NFIB: variants seen among roughly 807,000 people sequenced by gnomAD.
NFIB encodes nuclear factor 1 B-type.
A neutral mutation model predicts 61.5 loss-of-function variants in NFIB; 11 were observed. That is an observed-to-expected ratio of 0.18 (90% CI 0.11 to 0.30). The LOEUF (loss-of-function observed/expected upper bound fraction) is 0.30. NFIB is among the 10% of genes least tolerant of loss of function. The pLI is 1.00. For synonymous variants in NFIB, 260 were observed against 216.5 expected (o/e 1.20, Z -1.76); for missense variants, 471 against 608.9 (o/e 0.77, Z 2.38).
intron 7 of NFIB, among the ~76,000 whole-genome samples, chr9:14,123,675 T>C (rs1158630100): frequency 1.3e-5 from 2 of 152,222 alleles, no homozygotes; most frequent in Non-Finnish European, 2.9e-5. Flanking sequence ...CACTGATACA[T>C]GCTGTTGCCT....
At chr9:14,266,919 T>C (rs895110385) in intron 2 of NFIB, among the ~76,000 whole-genome samples, 2 of 152,144 alleles carry the variant, frequency 1.3e-5, no homozygotes, top group African/African-American at 4.8e-5. Context: ...AATCCACTAA[T>C]ATAAAACAAA....
intron 1 of NFIB, among the ~76,000 whole-genome samples, chr9:14,346,292 C>CG (rs1339802156): frequency 1.6e-5 from 2 of 125,378 alleles, no homozygotes; most frequent in East Asian, 2.1e-4. Context: ...TAACCGACAC[C>CG]CCCCCCCCGT....
chr9:14,176,405 T>C (rs1221990507), intron 3 of NFIB, among the ~76,000 whole-genome samples: 1 of 152,182 alleles, frequency 6.6e-6, no homozygotes, highest in Non-Finnish European at 1.5e-5. Flanking sequence ...CCTTGGGTGC[T>C]ATCTGAGTTG....
chr9:14,099,593 G>A (rs576969323), intron 10 of NFIB, among the ~76,000 whole-genome samples: 1 of 152,286 alleles, frequency 6.6e-6, no homozygotes, highest in East Asian at 1.9e-4. Context: ...AGCAACCTAT[G>A]TCATTTGAAT....
chr9:14,495,446 C>CTTTTTTTTTTTT, the NFIB span, among the ~76,000 whole-genome samples: 605 of 117,190 alleles, frequency 5.2e-3, 94 homozygotes, highest in African/African-American at 0.021. Flanking sequence ...GAGAAATGAA[C>CTTTTTTTTTTTT]TTTTTTTTTT....
Position 14,356,633 on chromosome 9 carries a change from C to T in NFIB, c.108+41891G>A, listed in dbSNP as rs55682779. ...TTGCCTGGGGTTTACGAGCAGGACT[C>T]CTCTCTTGCACTCCACCAGTTTCAG... On this transcript the variant is annotated intron_variant, in intron 1 of 8. Transcript: ENST00000380934. Among the ~76,000 whole-genome samples the T allele has an allele frequency of 3.3e-3, 502 of 152,136 alleles. 2 individuals carry two copies. Among genetic ancestry groups the T allele is most frequent in the African/African-American group, 0.012 (491 of 41,498 alleles).
At chr9:14,298,571 C>A (rs1305074200) in intron 2 of NFIB, among the ~76,000 whole-genome samples, 2 of 152,130 alleles carry the variant, frequency 1.3e-5, no homozygotes, top group Non-Finnish European at 2.9e-5. Flanking sequence ...TTGTCCCCAT[C>A]ACTGTCAGCA....
chr9:14,475,915 A>G, the NFIB span, among the ~76,000 whole-genome samples: 1 of 152,182 alleles, frequency 6.6e-6, no homozygotes, highest in African/African-American at 2.4e-5. Flanking sequence ...AATTTGGTAG[A>G]TCTTCCCCCA....
At chr9:14,346,061 T>C (rs10119216) in intron 1 of NFIB, among the ~76,000 whole-genome samples, 51,186 of 151,974 alleles carry the variant, frequency 0.34, 8,892 homozygotes, top group Middle Eastern at 0.55. Context: ...GGCACGACCC[T>C]GATCCCCGGC....
intron 2 of NFIB, among the ~76,000 whole-genome samples, chr9:14,213,651 G>A (rs952035348): frequency 3.3e-5 from 5 of 152,208 alleles, no homozygotes; most frequent in Non-Finnish European, 5.9e-5. Context: ...CTTCTCTCCA[G>A]AAGCCTTCAG....
chr9:14,401,947 T>A (rs2061746827), upstream of NFIB, among the ~76,000 whole-genome samples: 1 of 152,226 alleles, frequency 6.6e-6, no homozygotes, highest in East Asian at 1.9e-4. Context: ...TATATATGAC[T>A]GCTGTCTCTT....
the NFIB span, among the ~76,000 whole-genome samples, chr9:14,518,927 G>C: frequency 5.9e-5 from 9 of 152,106 alleles, no homozygotes; most frequent in African/African-American, 2.2e-4. Flanking sequence ...TGCTAAGAAG[G>C]GGGCTATTGG....
intron 2 of NFIB, among the ~76,000 whole-genome samples, chr9:14,230,279 A>C (rs2052959355): frequency 6.6e-6 from 1 of 152,220 alleles, no homozygotes; most frequent in Non-Finnish European, 1.5e-5. Flanking sequence ...CATATGTCAG[A>C]GATCATGTCC....
intron 2 of NFIB, among the ~76,000 whole-genome samples, chr9:14,292,606 C>A (rs1002566580): frequency 6.6e-6 from 1 of 152,154 alleles, no homozygotes; most frequent in Non-Finnish European, 1.5e-5. Flanking sequence ...TCTTCCCTGA[C>A]AGATACAGAA....
At chr9:14,340,507 G>T (rs911854668) in intron 1 of NFIB, among the ~76,000 whole-genome samples, 3 of 152,214 alleles carry the variant, frequency 2.0e-5, no homozygotes, top group Admixed American at 1.3e-4. Flanking sequence ...TGATTCTAAT[G>T]TGCAGTGGGG....
chr9:14,511,930 A>G, the NFIB span, among the ~76,000 whole-genome samples: 1 of 152,194 alleles, frequency 6.6e-6, no homozygotes, highest in African/African-American at 2.4e-5. Flanking sequence ...TGGGTTCAAT[A>G]TAGTTAATTT....
At chr9:14,335,476 T>C (rs1277156890) in intron 1 of NFIB, among the ~76,000 whole-genome samples, 1 of 152,232 alleles carries the variant, frequency 6.6e-6, no homozygotes, top group Non-Finnish European at 1.5e-5. Flanking sequence ...TTACTTGCCA[T>C]TTCTATATCT....
chr9:14,199,581 G>T (rs2048806033), intron 2 of NFIB, among the ~76,000 whole-genome samples: 1 of 152,220 alleles, frequency 6.6e-6, no homozygotes, highest in African/African-American at 2.4e-5. Context: ...AAACAAAACA[G>T]CAAAAAAAGT....
chr9:14,095,255 A>T (rs1441413958), intron 10 of NFIB, among the ~76,000 whole-genome samples: 1 of 152,194 alleles, frequency 6.6e-6, no homozygotes, highest in East Asian at 1.9e-4. Context: ...CAAATTTTAG[A>T]ACTGAAAATG....
Sources: gnomAD v4.1 joint callset for allele counts (sites outside exome capture counted in the v4.1 genomes callset) on GRCh38, gnomAD v4.1.1 for gene constraint, MANE v1.5 for transcripts, NCBI Gene and HGNC (gene_info 2026-07-23, HGNC 2026-07-21) for gene names.